The following SLC39A10 variants were observed in gnomAD, a reference collection of about 807,000 sequenced individuals.
SLC39A10 encodes solute carrier family 39 member 10, also known as zinc transporter ZIP10.
A neutral mutation model predicts 65.1 loss-of-function variants in SLC39A10; 13 were observed. The observed-to-expected ratio is 0.20, with a 90% CI of 0.13 to 0.32. The LOEUF (loss-of-function observed/expected upper bound fraction) is 0.32. Ranked by LOEUF, SLC39A10 falls within the 10% of genes least tolerant of loss-of-function variation. The pLI is 1.00. For missense variants in SLC39A10, 831 were observed against 1,018.4 expected, an observed-to-expected ratio of 0.82 and a Z score of 2.50; for synonymous variants, 321 against 342.2, an observed-to-expected ratio of 0.94 and a Z score of 0.68.
chr2:195,649,138 G>A (rs1688983116), intron 2 of SLC39A10, among the ~76,000 whole-genome samples: 1 of 151,828 alleles, frequency 6.6e-6, no homozygotes, highest in South Asian at 2.1e-4. Context: ...ACGTGTGCTT[G>A]AAAAAACAAA....
At chr2:195,681,387 A>G (rs1243268952) in intron 2 of SLC39A10, among the ~76,000 whole-genome samples, 1 of 152,014 alleles carries the variant, frequency 6.6e-6, no homozygotes, top group Non-Finnish European at 1.5e-5. Flanking sequence ...TTAGCGGGGC[A>G]TGGTGGCGGG....
At chr2:195,681,213 AGGAATC>A (rs908608721) in intron 2 of SLC39A10, among the ~76,000 whole-genome samples, 163 bp downstream of exon 2, 56 of 152,334 alleles carry the variant, frequency 3.7e-4, no homozygotes, top group African/African-American at 1.3e-3. Context: ...GAATACATTA[AGGAATC>A]AGAATCAGTG....
At chr2:195,706,860 C>A in intron 4 of SLC39A10, 75 bp downstream of exon 4, 1 of 1,028,136 alleles carries the variant, frequency 9.7e-7, no homozygotes, top group South Asian at 2.7e-5. Flanking sequence ...CATTAGCAAG[C>A]TATAGCACAG....
intron 6 of SLC39A10, among the ~76,000 whole-genome samples, chr2:195,715,717 CAATA>C (rs1174524863): frequency 2.0e-5 from 3 of 152,064 alleles, no homozygotes; most frequent in Admixed American, 6.6e-5. Flanking sequence ...TAGAAGTTCT[CAATA>C]AACTTTCCAC....
At chr2:195,617,721 TTTCTTTTA>T (rs2105682958) in intron 2 of SLC39A10, among the ~76,000 whole-genome samples, 2 of 131,900 alleles carry the variant, frequency 1.5e-5, no homozygotes, top group East Asian at 5.5e-4. Flanking sequence ...TTTCTTTTCT[TTTCTTTTA>T]TTTTATTTTA....
At chr2:195,625,554 G>A (rs922087873) in intron 2 of SLC39A10, among the ~76,000 whole-genome samples, 7 of 152,096 alleles carry the variant, frequency 4.6e-5, no homozygotes, top group African/African-American at 1.7e-4. Flanking sequence ...TAGGATTACA[G>A]GCCTGAGCCA....
At chr2:195,729,608 G>T (rs957307568) in intron 9 of SLC39A10, among the ~76,000 whole-genome samples, 8 of 151,928 alleles carry the variant, frequency 5.3e-5, no homozygotes, top group African/African-American at 2.4e-5. Context: ...TGATCCTCTC[G>T]TGCTGACTCC....
intron 2 of SLC39A10, among the ~76,000 whole-genome samples, chr2:195,623,810 G>T (rs1255158057): frequency 6.6e-6 from 1 of 151,460 alleles, no homozygotes; most frequent in Admixed American, 6.6e-5. Context: ...CTGTGAATAT[G>T]CTTGTAACAT....
intron 2 of SLC39A10, among the ~76,000 whole-genome samples, chr2:195,630,456 T>C (rs552786172): frequency 2.0e-5 from 3 of 152,182 alleles, no homozygotes; most frequent in African/African-American, 4.8e-5. Flanking sequence ...CCTGTCCTCT[T>C]GGTTTTTCAG....
At chr2:195,676,790 A>G (rs1468472223) in intron 1 of SLC39A10, among the ~76,000 whole-genome samples, 1 of 152,180 alleles carries the variant, frequency 6.6e-6, no homozygotes, top group South Asian at 2.1e-4. Context: ...GAATGTGCTT[A>G]TGAAGTCTCA....
chr2:195,657,639 G>C, intron 1 of SLC39A10: 2 of 985,286 alleles, frequency 2.0e-6, no homozygotes, highest in Non-Finnish European at 2.4e-6. Context: ...CCGCGCCCGG[G>C]GTGGGGGAGT....
intron 2 of SLC39A10, among the ~76,000 whole-genome samples, chr2:195,625,147 G>A (rs1167358012): frequency 6.8e-6 from 1 of 147,242 alleles, no homozygotes. Flanking sequence ...AACCCGGGAG[G>A]TGGAGGTTGC....
intron 1 of SLC39A10, among the ~76,000 whole-genome samples, chr2:195,662,075 T>C (rs1208478309): frequency 6.6e-6 from 1 of 152,184 alleles, no homozygotes; most frequent in Non-Finnish European, 1.5e-5. Flanking sequence ...TTAATATCAT[T>C]ATGTACTTCC....
At position 195,668,724 on chromosome 2, in the gene SLC39A10, T is replaced by C. The variant is rs1395870572; in HGVS notation, c.-11-11308T>C. ...TGTTGTTTGTTTGTTTTTTGGTTGT[T>C]GGTTTTGGTTTTAGTGAAATGAGTT... On this transcript the variant is annotated intron_variant, in intron 1 of 9. Transcript: ENST00000359634. Among the ~76,000 whole-genome samples the C allele has an allele frequency of 5.3e-5, 8 of 152,190 alleles. No homozygotes were observed. In the East Asian group the frequency reaches 1.3e-3, roughly 26 times the overall value.
chr2:195,718,571 T>C (rs1051963341), intron 8 of SLC39A10, among the ~76,000 whole-genome samples: 3 of 152,200 alleles, frequency 2.0e-5, no homozygotes, highest in Non-Finnish European at 4.4e-5. Context: ...TATGCTGTTA[T>C]AATGAAGATT....
chr2:195,731,991 A>G (rs1692446752), intron 9 of SLC39A10, among the ~76,000 whole-genome samples: 1 of 152,198 alleles, frequency 6.6e-6, no homozygotes. Flanking sequence ...TATTGGAAAC[A>G]CTCTAAATGT....
intron 2 of SLC39A10, among the ~76,000 whole-genome samples, chr2:195,638,691 G>A (rs989056145): frequency 3.3e-5 from 5 of 152,026 alleles, no homozygotes; most frequent in Admixed American, 1.3e-4. Flanking sequence ...AGTACAGAGA[G>A]TTTCTATATA....
At chr2:195,641,722 G>T in intron 2 of SLC39A10, among the ~76,000 whole-genome samples, 2 of 135,576 alleles carry the variant, frequency 1.5e-5, no homozygotes, top group Admixed American at 1.7e-4. Context: ...GTCTCGCTCT[G>T]GGAGTCTTGC....
chr2:195,654,326 C>T (rs899695631), upstream of SLC39A10, among the ~76,000 whole-genome samples: 1 of 152,094 alleles, frequency 6.6e-6, no homozygotes, highest in Non-Finnish European at 1.5e-5. Flanking sequence ...AGAGGGAAAC[C>T]CAGGTTTATG....
Sources: gnomAD v4.1 joint callset for allele counts (sites outside exome capture counted in the v4.1 genomes callset) on GRCh38, gnomAD v4.1.1 for gene constraint, MANE v1.5 for transcripts, NCBI Gene and HGNC (gene_info 2026-07-23, HGNC 2026-07-21) for gene names.